The following STON1 variants were observed in gnomAD, a reference collection of about 807,000 sequenced individuals.
STON1 encodes the protein stonin 1, also known as stonin-1.
Under a neutral mutation model 60.9 loss-of-function variants are expected in STON1, and 79 were observed. That is an observed-to-expected ratio of 1.30 (90% CI 1.08 to 1.56). The LOEUF (loss-of-function observed/expected upper bound fraction) is 1.56, where lower values mean the gene tolerates loss of function less well. Ranked by LOEUF, STON1 falls within the 40% of genes most tolerant of loss-of-function variation. The pLI is 0.00. For synonymous variants in STON1, 363 were observed against 306.9 expected (o/e 1.18, Z -1.91); for missense variants, 1,166 against 858.9 (o/e 1.36, Z -4.47).
At chr2:48,567,051 A>T (rs984917139) in intron 1 of STON1, among the ~76,000 whole-genome samples, 3 of 152,234 alleles carry the variant, frequency 2.0e-5, no homozygotes, top group Admixed American at 6.5e-5. Flanking sequence ...TATGCTGGAA[A>T]AATGAAGGTT....
At chr2:48,577,877 A>G (rs1435632236) in intron 1 of STON1, among the ~76,000 whole-genome samples, 1 of 151,884 alleles carries the variant, frequency 6.6e-6, no homozygotes, top group Non-Finnish European at 1.5e-5. Flanking sequence ...CGGCCTCCCA[A>G]AGTGCTGGGA....
intron 1 of STON1, among the ~76,000 whole-genome samples, chr2:48,572,127 C>T (rs1174145654): frequency 6.6e-6 from 1 of 152,162 alleles, no homozygotes; most frequent in Admixed American, 6.5e-5. Flanking sequence ...CATGCCACTA[C>T]ACTCCAGCCT....
In STON1 at chr2:48,582,251, T is replaced by C. The variant is rs1673932673; in HGVS notation, c.1618T>C (p.Tyr540His). The change falls in exon 2 of 4, where the codon TAC (tyrosine) becomes CAC (histidine). Residue 540 changes from tyrosine to histidine, a missense_variant. Coordinates refer to ENST00000404752, the MANE Select transcript of STON1 (RefSeq NM_006873.4). ...LKSVVVVQGA[Y>H]VELQAFVNMA... ...GTCTGTAGTGGTTGTCCAGGGAGCA[T>C]ACGTGGAACTTCAGGCTTTTGTCAA... The C allele has an allele frequency of 3.1e-6, 5 of 1,614,220 alleles. No individual in the cohort carries two copies. The highest frequency in any genetic ancestry group is 4.2e-6 in the Non-Finnish European group (5 of 1,180,044).
intron 1 of STON1, among the ~76,000 whole-genome samples, chr2:48,558,999 T>G (rs1384780572): frequency 6.6e-6 from 1 of 152,100 alleles, no homozygotes; most frequent in Non-Finnish European, 1.5e-5. Context: ...AAATACTCAT[T>G]GGAGCATTTC....
chr2:48,557,439 T>C (rs1259426948), intron 1 of STON1, among the ~76,000 whole-genome samples: 1 of 105,592 alleles, frequency 9.5e-6, no homozygotes, highest in East Asian at 2.8e-4. Flanking sequence ...GAGACGCTCC[T>C]CACTTTCCAG....
Position 48,597,542 on chromosome 2 carries a change from A to G in STON1, c.*2240A>G, listed in dbSNP as rs1674834094. On this transcript the variant is annotated 3_prime_UTR_variant, in exon 4 of 4. Transcript: ENST00000404752. Reference sequence around the variant, plus strand: ...CCTCATGCTTCACAGGTTGACTAGTATCTGTGGGTACCTCCCTGCCCAGGT... The same window carrying G: ...CCTCATGCTTCACAGGTTGACTAGTGTCTGTGGGTACCTCCCTGCCCAGGT... 1 of 152,412 alleles carries G rather than the reference A, an allele frequency of 6.6e-6. No individual in the cohort carries two copies. The highest frequency in any genetic ancestry group is 6.5e-5 in the Admixed American group (1 of 15,284). The allele number at this position is 152,412 out of a possible 1,614,324, so 9.4% of individuals were successfully genotyped here.
In STON1 at chr2:48,580,677, A is replaced by G. The variant is rs141632429; in HGVS notation, c.44A>G (p.Asp15Gly). 7.0e-7 allele frequency: 1 copy of G among 1,425,516 alleles called. No individual in the cohort carries two copies. The highest frequency in any genetic ancestry group is 9.2e-7 in the Non-Finnish European group (1 of 1,086,434). The allele number at this position is 1,425,516 out of a possible 1,614,324, so 88.3% of individuals were successfully genotyped here. ...GGCAAATGGGTCACCTTTGATGATG[A>G]TCCTGCTGTTCAATCTTCTCAAAAG... ...NPGKWVTFDDDPAVQSSQKSK... is the reference protein window; with the variant it reads ...NPGKWVTFDDGPAVQSSQKSK... Residue 15 changes from aspartate (D) to glycine (G), a missense_variant, in exon 2 of 4, where the codon GAT becomes GGT. Asp to Gly is a moderately conservative substitution (Grantham distance 94). Transcript: ENST00000404752.
At chr2:48,592,595 C>G (rs1418939392) in intron 3 of STON1, among the ~76,000 whole-genome samples, 1 of 136,562 alleles carries the variant, frequency 7.3e-6, no homozygotes, top group African/African-American at 2.7e-5. Flanking sequence ...CCACACCCAG[C>G]TATTATTATT....
rs1423850133 is a variant in STON1 at position 48,596,329 on chromosome 2, GGC to G, written c.*1028_*1029del. ...TGGTATTTTACCCAGATTTCTAAGT[GGC>G]AACATTTTTATTCTTCAGAGTCAGG... On this transcript the variant is annotated 3_prime_UTR_variant, in exon 4 of 4. Transcript: ENST00000404752. 1 of 152,088 alleles carries G rather than the reference GGC, an allele frequency of 6.6e-6. No homozygotes were observed. The highest frequency in any genetic ancestry group is 2.4e-5 in the African/African-American group (1 of 41,430). 9.4% of individuals were successfully genotyped at this position (152,088 alleles called of 1,614,324 possible).
intron 2 of STON1, 138 bp from the exon 3 acceptor site, chr2:48,591,515 G>A (rs1674510553): frequency 2.5e-6 from 3 of 1,209,842 alleles, no homozygotes; most frequent in South Asian, 1.7e-5. Context: ...TTCATGGTAT[G>A]TTGTTTAAAT....
In STON1 at chr2:48,582,096, A is replaced by T. The variant is rs753547741; in HGVS notation, c.1463A>T (p.His488Leu). ...KGIDILDYHF[H>L]KCVNVQEFEQ... ...ATTGATATTCTTGACTACCATTTTCATAAGTGTGTGAATGTACAAGAATTT... is the reference window on the plus strand; with the variant it reads ...ATTGATATTCTTGACTACCATTTTCTTAAGTGTGTGAATGTACAAGAATTT... The change falls in exon 2 of 4, where the codon CAT becomes CTT. Residue 488 changes from histidine to leucine, a missense_variant. His to Leu is a moderately conservative substitution (Grantham distance 99). Coordinates refer to ENST00000404752, the MANE Select transcript of STON1 (RefSeq NM_006873.4). The T allele has an allele frequency of 6.2e-7, 1 of 1,613,924 alleles. No individual in the cohort carries two copies. Among genetic ancestry groups the T allele is most frequent in the South Asian group, 1.1e-5 (1 of 91,076 alleles).
intron 2 of STON1, among the ~76,000 whole-genome samples, chr2:48,583,268 T>C (rs936559697): frequency 6.6e-6 from 1 of 152,050 alleles, no homozygotes; most frequent in Non-Finnish European, 1.5e-5. Context: ...TTTTGTTTTT[T>C]AGTAGAGACG....
intron 1 of STON1, among the ~76,000 whole-genome samples, chr2:48,564,505 TTC>T (rs1672807492): frequency 3.9e-5 from 1 of 25,582 alleles, no homozygotes. Context: ...CTTCTTCTTC[TTC>T]TTCTTCTTCT....
In STON1 at chr2:48,581,332, T is replaced by G; in HGVS notation, c.699T>G (p.Leu233=). The G allele has an allele frequency of 6.5e-7, 1 of 1,537,432 alleles. No individual in the cohort carries two copies. The highest frequency in any genetic ancestry group is 8.7e-7 in the Non-Finnish European group (1 of 1,145,542). Residue 233 remains leucine (L), a synonymous_variant, in exon 2 of 4, where the codon CTT becomes CTG. Coordinates refer to ENST00000404752, the MANE Select transcript of STON1 (RefSeq NM_006873.4). ...KCSLNYICEK[L]EHLQSAENQD... is the part of the protein sequence containing the mutation. Reference sequence around the variant, plus strand: ...CACTCAACTATATCTGTGAGAAGCTTGAACATCTCCAGTCAGCTGAGAACC... The same window carrying G: ...CACTCAACTATATCTGTGAGAAGCTGGAACATCTCCAGTCAGCTGAGAACC...
At chr2:48,568,358 A>G (rs1448031972) in intron 1 of STON1, among the ~76,000 whole-genome samples, 1 of 152,164 alleles carries the variant, frequency 6.6e-6, no homozygotes, top group Non-Finnish European at 1.5e-5. Flanking sequence ...CACCTATCAC[A>G]TGCATCTAAT....
chr2:48,544,747 G>T (rs1382294908), intron 1 of STON1, among the ~76,000 whole-genome samples: 3 of 152,150 alleles, frequency 2.0e-5, no homozygotes, highest in Non-Finnish European at 2.9e-5. Flanking sequence ...GGGTTTCACC[G>T]TGCTGGCCAG....
chr2:48,531,762 T>C (rs1671220134), intron 1 of STON1: 1 of 152,192 alleles, frequency 6.6e-6, no homozygotes, highest in African/African-American at 2.4e-5. Flanking sequence ...TTTACGTTTT[T>C]AGGAAGAACA....
chr2:48,578,346 G>C (rs1340461436), intron 1 of STON1, among the ~76,000 whole-genome samples: 4 of 152,226 alleles, frequency 2.6e-5, no homozygotes, highest in Non-Finnish European at 2.9e-5. Flanking sequence ...GCAGCCCACA[G>C]GCTACATGTA....
intron 1 of STON1, among the ~76,000 whole-genome samples, chr2:48,563,454 G>C (rs1355697180): frequency 6.6e-6 from 1 of 152,234 alleles, no homozygotes; most frequent in South Asian, 2.1e-4. Context: ...AAAAGAATCT[G>C]TGGCTCTTAC....
Sources: allele counts gnomAD v4.1 joint callset (sites outside exome capture counted in the v4.1 genomes callset), GRCh38; gene constraint gnomAD v4.1.1; transcripts MANE v1.5; gene names NCBI Gene and HGNC (gene_info 2026-07-23, HGNC 2026-07-21).